OGFOD3: variants seen among roughly 807,000 people sequenced by gnomAD.
OGFOD3 encodes the protein 2-oxoglutarate and iron dependent oxygenase domain containing 3.
Under a neutral mutation model 39.8 loss-of-function variants are expected in OGFOD3, and 35 were observed. The ratio of observed to expected loss-of-function variants is 0.88; its 90% CI spans 0.67 to 1.17. The LOEUF (loss-of-function observed/expected upper bound fraction) is 1.17. OGFOD3 is among the 50% of genes most tolerant of loss of function. The probability of loss-of-function intolerance (pLI) is 0.00; values close to 1 mark genes in which losing one functional copy is unlikely to be tolerated. For synonymous variants in OGFOD3, 200 were observed against 192.0 expected (o/e 1.04, Z -0.34); for missense variants, 438 against 454.5 (o/e 0.96, Z 0.33).
At chr17:82,411,069 T>C (rs574408456) in intron 3 of OGFOD3, among the ~76,000 whole-genome samples, 4 of 149,398 alleles carry the variant, frequency 2.7e-5, no homozygotes, top group African/African-American at 9.9e-5. Context: ...TTTTTGGAGA[T>C]AGAATCTCGC....
chr17:82,394,233 G>C, intron 8 of OGFOD3: 3 of 886,664 alleles, frequency 3.4e-6, no homozygotes, highest in Non-Finnish European at 5.1e-6. Context: ...CTCATGACCC[G>C]CCCGTCTTGG....
At chr17:82,403,844 C>G (rs550853688) in intron 7 of OGFOD3, 93 bp downstream of exon 7, 93 of 1,474,726 alleles carry the variant, frequency 6.3e-5, no homozygotes, top group Non-Finnish European at 8.2e-5. Context: ...TGTCCACGAG[C>G]GCGCTCACCC....
Position 82,404,746 on chromosome 17 carries a change from T to C in OGFOD3, c.545+578A>G, listed in dbSNP as rs530019123. On this transcript the variant is annotated intron_variant, in intron 6 of 8. Transcript: ENST00000313056. This position sits in a 1 kb window ranked among gnomAD's most constrained non-coding sequence, Gnocchi z 4.5. ...AGAATTTTTTCTTTTCTTTTCTTTT[T>C]TTTTTTTTTTTTTGAGATGAGGCTT... 1.1e-3 allele frequency among the ~76,000 whole-genome samples: 169 copies of C among 149,088 alleles called. No individual in the cohort carries two copies. Among genetic ancestry groups the C allele is most frequent in the Middle Eastern group, 0.01 (3 of 288 alleles).
In OGFOD3 at chr17:82,392,311, G is replaced by T; in HGVS notation, c.*87C>A. On this transcript the variant is annotated 3_prime_UTR_variant, in exon 9 of 9. Coordinates refer to ENST00000313056, the MANE Select transcript of OGFOD3 (RefSeq NM_024648.3). The surrounding 1 kb of genome is among the most constrained non-coding windows in gnomAD (Gnocchi z 4.2). Reference sequence around the variant, plus strand: ...AATTCCTAAGGCACTCTGTGCAACAGGAGCGGGTGGACGTGGGGGTGGGTG... The same window carrying T: ...AATTCCTAAGGCACTCTGTGCAACATGAGCGGGTGGACGTGGGGGTGGGTG... 7.0e-7 allele frequency: 1 copy of T among 1,422,974 alleles called. No homozygotes were observed. The highest frequency in any genetic ancestry group is 9.6e-7 in the Non-Finnish European group (1 of 1,042,926). The allele number at this position is 1,422,974 out of a possible 1,614,324, so 88.1% of individuals were successfully genotyped here.
intron 7 of OGFOD3, among the ~76,000 whole-genome samples, chr17:82,399,001 G>A (rs928340129): frequency 5.0e-5 from 7 of 138,828 alleles, no homozygotes; most frequent in Admixed American, 5.0e-4. Context: ...GTAGAGGTTG[G>A]GGCGGGGTGG....
intron 2 of OGFOD3, among the ~76,000 whole-genome samples, chr17:82,412,419 TCGGGGCAGGGGCA>T (rs2052964182): frequency 8.7e-6 from 1 of 115,188 alleles, no homozygotes; most frequent in East Asian, 2.6e-4. Context: ...GGCATGGTTA[TCGGGGCAGGGGCA>T]TGGTTATCGG....
rs115066501 is a variant in OGFOD3, at chr17:82,406,078, G to A, written c.488+340C>T. ...CCCGGCCCCTCATGGAGCGTCAAAG[G>A]CCCCGTTGGATTCTTGGAAGCTGCT... On this transcript the variant is annotated intron_variant, in intron 5 of 8. Coordinates refer to ENST00000313056, the MANE Select transcript of OGFOD3 (RefSeq NM_024648.3). The surrounding 1 kb of genome is among the most constrained non-coding windows in gnomAD (Gnocchi z 5.2). 3.6e-3 allele frequency among the ~76,000 whole-genome samples: 553 copies of A among 152,248 alleles called. 5 individuals are homozygous for A. Among genetic ancestry groups the A allele is most frequent in the African/African-American group, 0.013 (529 of 41,536 alleles).
chr17:82,392,322 A>G lies in OGFOD3; in HGVS notation c.*76T>C. The G allele has an allele frequency of 6.7e-7, 1 of 1,498,290 alleles. No individual in the cohort carries two copies. The highest frequency in any genetic ancestry group is 9.1e-7 in the Non-Finnish European group (1 of 1,104,262). 92.8% of individuals were successfully genotyped at this position (1,498,290 alleles called of 1,614,324 possible). A position where few individuals can be genotyped will look rare whatever the true frequency, so the allele number is the denominator to read the frequency against. On this transcript the variant is annotated 3_prime_UTR_variant, in exon 9 of 9. Transcript: ENST00000313056. The surrounding 1 kb of genome is among the most constrained non-coding windows in gnomAD (Gnocchi z 4.2). ...CACTCTGTGCAACAGGAGCGGGTGG[A>G]CGTGGGGGTGGGTGCACGACTGGCG...
At chr17:82,393,134 ATT>A (rs2052619118) in intron 8 of OGFOD3, 1 of 152,526 alleles carries the variant, frequency 6.6e-6, no homozygotes, top group Non-Finnish European at 1.5e-5. Context: ...ACGCCAGTTC[ATT>A]TGTCTTCACA....
chr17:82,395,334 T>C (rs2052654862), intron 8 of OGFOD3, among the ~76,000 whole-genome samples: 2 of 152,078 alleles, frequency 1.3e-5, no homozygotes, highest in Admixed American at 1.3e-4. Context: ...CCTGGCCCCC[T>C]TGGTGGATTT....
chr17:82,413,825 G>A (rs1320110653), intron 2 of OGFOD3, among the ~76,000 whole-genome samples: 5 of 148,516 alleles, frequency 3.4e-5, no homozygotes, highest in African/African-American at 1.2e-4. Flanking sequence ...GCAGTGAGCC[G>A]AGATCATGCC....
At chr17:82,412,361 G>A (rs1390596210) in intron 2 of OGFOD3, among the ~76,000 whole-genome samples, 2 of 132,112 alleles carry the variant, frequency 1.5e-5, no homozygotes, top group Non-Finnish European at 3.3e-5. Context: ...CATGGTTATC[G>A]GGGCAGGGGC....
rs2052578543 is a variant in OGFOD3 at position 82,389,591 on chromosome 17, C to T, written c.*2807G>A. The stretch of plus-strand genomic sequence containing the variant: ...CGTCACAGCTCACTGTAGCCTCGAC[C>T]TCCTGGGCTCAAGCAGTCGTCCTGC... On this transcript the variant is annotated 3_prime_UTR_variant, in exon 9 of 9. Transcript: ENST00000313056. This position sits in a 1 kb window ranked among gnomAD's most constrained non-coding sequence, Gnocchi z 4.6. 6.6e-6 allele frequency: 1 copy of T among 152,252 alleles called. No individual in the cohort carries two copies. The highest frequency in any genetic ancestry group is 6.5e-5 in the Admixed American group (1 of 15,282). 9.4% of individuals were successfully genotyped at this position (152,252 alleles called of 1,614,324 possible).
chr17:82,403,854 C>A, intron 7 of OGFOD3, 83 bp downstream of exon 7: 2 of 1,465,788 alleles, frequency 1.4e-6, no homozygotes, highest in South Asian at 1.2e-5. Flanking sequence ...CGCGCTCACC[C>A]TGCCCACGTG....
chr17:82,395,998 CACAT>C (rs1305935287), intron 8 of OGFOD3, among the ~76,000 whole-genome samples: 1 of 151,706 alleles, frequency 6.6e-6, no homozygotes, highest in Non-Finnish European at 1.5e-5. Flanking sequence ...CACAGGTAAA[CACAT>C]AGATACACAC....
At chr17:82,397,805 A>C (rs2052699313) in intron 8 of OGFOD3, among the ~76,000 whole-genome samples, 1 of 152,130 alleles carries the variant, frequency 6.6e-6, no homozygotes, top group Non-Finnish European at 1.5e-5. Context: ...GGTCACCGAC[A>C]CTGGGCTGGG....
chr17:82,410,935 G>A (rs1020096767), intron 3 of OGFOD3, among the ~76,000 whole-genome samples: 2 of 151,630 alleles, frequency 1.3e-5, no homozygotes, highest in African/African-American at 4.8e-5. Flanking sequence ...GCCCAGGCTG[G>A]TGTCGATCTC....
Position 82,418,535 on chromosome 17 carries a change from G to A in OGFOD3, c.-50C>T, listed in dbSNP as rs2053131211. Reference sequence around the variant, plus strand: ...GCCGGACGCGGGCGCCAGGCCCGGGGACGAACGCCGTAACAGGGAGCGCGA... The same window carrying A: ...GCCGGACGCGGGCGCCAGGCCCGGGAACGAACGCCGTAACAGGGAGCGCGA... On this transcript the variant is annotated 5_prime_UTR_variant, in exon 1 of 9. Coordinates refer to ENST00000313056, the MANE Select transcript of OGFOD3 (RefSeq NM_024648.3). 2.7e-6 allele frequency: 3 copies of A among 1,109,160 alleles called. No individual in the cohort carries two copies. The highest frequency in any genetic ancestry group is 3.5e-6 in the Non-Finnish European group (3 of 853,802). The allele number at this position is 1,109,160 out of a possible 1,614,324, so 68.7% of individuals were successfully genotyped here. A position where few individuals can be genotyped will look rare whatever the true frequency, so the allele number is the denominator to read the frequency against.
At position 82,394,212 on chromosome 17, in the gene OGFOD3, G is replaced by C. The variant is rs958532192; in HGVS notation, c.824-1678C>G. The C allele has an allele frequency of 7.4e-6, 5 of 672,230 alleles. No homozygotes were observed. The South Asian group carries it at 8.7e-5, about 12-fold the overall frequency. 41.6% of individuals were successfully genotyped at this position (672,230 alleles called of 1,614,324 possible). ...TCACCGTGTTAGCCAGGATGGTCTC[G>C]ATCTCCTGACCTCATGACCCGCCCG... On this transcript the variant is annotated intron_variant, in intron 8 of 8. Coordinates refer to ENST00000313056, the MANE Select transcript of OGFOD3 (RefSeq NM_024648.3).
Sources: allele counts gnomAD v4.1 joint callset (sites outside exome capture counted in the v4.1 genomes callset), GRCh38; gene constraint gnomAD v4.1.1; non-coding constraint Gnocchi (gnomAD v3.1); transcripts MANE v1.5; gene names NCBI Gene and HGNC (gene_info 2026-07-23, HGNC 2026-07-21).